Variants in DLG2 observed in about 807,000 individuals in gnomAD.
The protein encoded by DLG2 is discs large MAGUK scaffold protein 2.
Under a neutral mutation model 132.5 loss-of-function variants are expected in DLG2, and 45 were observed. The observed-to-expected ratio is 0.34, with a 90% confidence interval of 0.27 to 0.44. The LOEUF (loss-of-function observed/expected upper bound fraction) is 0.44, where lower values mean the gene tolerates loss of function less well. Ranked by LOEUF, DLG2 falls within the 20% of genes least tolerant of loss-of-function variation. The pLI is 1.00. For missense variants in DLG2, 1,045 were observed against 1,196.9 expected, an observed-to-expected ratio of 0.87 and a Z score of 1.87; for synonymous variants, 424 against 419.6, an observed-to-expected ratio of 1.01 and a Z score of -0.13.
At chr11:83,998,040 C>T (rs1053873345) in intron 11 of DLG2, among the ~76,000 whole-genome samples, 1 of 151,594 alleles carries the variant, frequency 6.6e-6, no homozygotes, top group African/African-American at 2.4e-5. Flanking sequence ...GAGGCTGAGG[C>T]ATGAAGAATC....
At chr11:84,640,183 C>T (rs566989943) in intron 6 of DLG2, 1 of 267,262 alleles carries the variant, frequency 3.7e-6, no homozygotes, top group African/African-American at 2.3e-5. Flanking sequence ...ACAGAAAAGA[C>T]CTGGCTACTG....
At chr11:85,098,744 G>A (rs1161871090) in intron 6 of DLG2, among the ~76,000 whole-genome samples, 2 of 152,058 alleles carry the variant, frequency 1.3e-5, no homozygotes, top group Non-Finnish European at 1.5e-5. Context: ...CAATTATCAT[G>A]TTTATTTTTT....
intron 6 of DLG2, among the ~76,000 whole-genome samples, chr11:84,609,873 A>T (rs779645453): frequency 3.9e-5 from 6 of 152,182 alleles, no homozygotes; most frequent in Non-Finnish European, 8.8e-5. Context: ...ATCTATAAGA[A>T]TATAATTTGG....
rs1047876981 is a variant in DLG2 at position 84,140,199 on chromosome 11, A to G, written c.624+23262T>C. Among the ~76,000 whole-genome samples, 25 of 152,256 alleles carry G rather than the reference A, an allele frequency of 1.6e-4. No homozygotes were observed. The East Asian group carries it at 4.2e-3, about 26-fold the overall frequency. On this transcript the variant is annotated intron_variant, in intron 9 of 27. Transcript: ENST00000376104. ...AATTTCAGACTGCCCTTTGCTATGT[A>G]TTGAGTGACCCTTGGGAACCCATGT...
intron 4 of DLG2, among the ~76,000 whole-genome samples, chr11:85,217,722 C>T (rs565800617): frequency 1.3e-5 from 2 of 152,332 alleles, no homozygotes; most frequent in Non-Finnish European, 2.9e-5. Context: ...ACAGTCTCTC[C>T]TGATTCCGTC....
intron 3 of DLG2, among the ~76,000 whole-genome samples, chr11:85,462,951 G>C (rs1330298379): frequency 6.6e-6 from 1 of 152,180 alleles, no homozygotes; most frequent in African/African-American, 2.4e-5. Context: ...CAAGCAAGCT[G>C]TATCTCTCTT....
intron 6 of DLG2, among the ~76,000 whole-genome samples, chr11:84,855,035 A>C (rs1344927805): frequency 6.6e-6 from 1 of 152,056 alleles, no homozygotes; most frequent in Non-Finnish European, 1.5e-5. Flanking sequence ...ATTCAAATGG[A>C]GGACAGGAAG....
At chr11:84,038,978 G>C (rs539532678) in intron 11 of DLG2, among the ~76,000 whole-genome samples, 1 of 151,940 alleles carries the variant, frequency 6.6e-6, no homozygotes, top group Non-Finnish European at 1.5e-5. Context: ...CTCCCACCAG[G>C]CCCCTCCCAT....
At chr11:84,147,358 A>G (rs894611562) in intron 9 of DLG2, among the ~76,000 whole-genome samples, 1 of 152,152 alleles carries the variant, frequency 6.6e-6, no homozygotes, top group Non-Finnish European at 1.5e-5. Context: ...AGTTCCCTAA[A>G]AGGAGGAGGA....
At chr11:83,670,668 C>T (rs2076684889) in intron 18 of DLG2, among the ~76,000 whole-genome samples, 1 of 151,754 alleles carries the variant, frequency 6.6e-6, no homozygotes, top group East Asian at 1.9e-4. Flanking sequence ...TAAACAGGTT[C>T]TCTTGGGAAC....
chr11:84,536,006 A>G (rs1030472673), intron 6 of DLG2, among the ~76,000 whole-genome samples: 1 of 150,560 alleles, frequency 6.6e-6, no homozygotes. Flanking sequence ...CTCATAGTGG[A>G]AAAGTAACAA....
intron 6 of DLG2, among the ~76,000 whole-genome samples, chr11:84,605,488 G>C (rs1182774672): frequency 2.0e-5 from 3 of 151,148 alleles, no homozygotes; most frequent in Non-Finnish European, 4.4e-5. Flanking sequence ...AGGTGAAAAT[G>C]CCACATTACT....
intron 6 of DLG2, among the ~76,000 whole-genome samples, chr11:84,753,447 T>C (rs1034747084): frequency 2.0e-5 from 3 of 152,210 alleles, no homozygotes; most frequent in Non-Finnish European, 2.9e-5. Flanking sequence ...ACTTTGAATA[T>C]AGAGCTTATA....
chr11:83,579,527 T>C (rs772434061), intron 19 of DLG2, among the ~76,000 whole-genome samples: 1 of 152,228 alleles, frequency 6.6e-6, no homozygotes, highest in African/African-American at 2.4e-5. Context: ...TATAGACGTT[T>C]ATTTTACTTG....
intron 7 of DLG2, among the ~76,000 whole-genome samples, chr11:84,429,165 G>T (rs750464809): frequency 6.6e-6 from 1 of 152,182 alleles, no homozygotes; most frequent in Non-Finnish European, 1.5e-5. Context: ...GGAAGTTCCA[G>T]ACCTTTTGTG....
At chr11:85,439,023 C>T (rs1303340245) in intron 3 of DLG2, among the ~76,000 whole-genome samples, 1 of 152,144 alleles carries the variant, frequency 6.6e-6, no homozygotes. Context: ...TTAATAGTTT[C>T]TTCCTTTTTG....
intron 6 of DLG2, among the ~76,000 whole-genome samples, chr11:85,111,375 T>C (rs2072711064): frequency 6.6e-6 from 1 of 152,080 alleles, no homozygotes; most frequent in South Asian, 2.1e-4. Context: ...CTGAAAAACA[T>C]ATGTGCAAAT....
rs546691887 is a variant in DLG2 at position 84,169,356 on chromosome 11, T to C, written c.574-5845A>G. Among the ~76,000 whole-genome samples, 47 of 152,230 alleles carry C rather than the reference T, an allele frequency of 3.1e-4. 1 individual carries two copies. The highest frequency in any genetic ancestry group is 5.4e-4 in the Non-Finnish European group (37 of 68,046). The stretch of plus-strand genomic sequence containing the variant: ...GATAGCTATTATTATTAGTTCTGGA[T>C]ACAAATCTATAAGGGTCACAAAATT... On this transcript the variant is annotated intron_variant, in intron 8 of 27. Transcript: ENST00000376104.
At chr11:83,861,917 C>G (rs1189634345) in intron 16 of DLG2, among the ~76,000 whole-genome samples, 2 of 152,104 alleles carry the variant, frequency 1.3e-5, no homozygotes, top group Non-Finnish European at 1.5e-5. Flanking sequence ...CTTGAGGGGA[C>G]AGACACCCCG....
Sources: allele counts gnomAD v4.1 joint callset (sites outside exome capture counted in the v4.1 genomes callset), GRCh38; gene constraint gnomAD v4.1.1; transcripts MANE v1.5; gene names NCBI Gene and HGNC (gene_info 2026-07-23, HGNC 2026-07-21).